SLC39A1: variants seen among roughly 807,000 people sequenced by gnomAD.
The protein encoded by SLC39A1 is solute carrier family 39 member 1.
In SLC39A1, 17 loss-of-function variants were observed where a neutral mutation model predicts 21.4. That is an observed-to-expected ratio of 0.79 (90% CI 0.54 to 1.19). The LOEUF (loss-of-function observed/expected upper bound fraction) is 1.19. Among genes scored for constraint, SLC39A1 ranks in the 50% most tolerant of loss-of-function variants. SLC39A1 has a pLI of 0.00. For missense variants in SLC39A1, 343 were observed against 399.8 expected (o/e 0.86, Z 1.21); for synonymous variants, 183 against 185.9 (o/e 0.98, Z 0.13).
chr1:153,965,357 G>C (rs1647723995), upstream of SLC39A1, among the ~76,000 whole-genome samples: 1 of 151,862 alleles, frequency 6.6e-6, no homozygotes, highest in South Asian at 2.1e-4. Context: ...AACCGGGGAG[G>C]CGGAGGTTGC....
chr1:153,960,149 CAGA>C lies in SLC39A1; in HGVS notation c.921_923del (p.Ile307_Leu308delinsMet). 2 of 1,614,166 alleles carry C rather than the reference CAGA, an allele frequency of 1.2e-6. No individual in the cohort carries two copies. The highest frequency in any genetic ancestry group is 1.7e-6 in the Non-Finnish European group (2 of 1,180,012). On this transcript the variant is annotated inframe_deletion, in exon 4 of 4. Coordinates refer to ENST00000356205, the MANE Select transcript of SLC39A1 (RefSeq NM_001271958.2). ...TGAGCAGGGCAAAGCCTGCTAGGAG[CAGA>C]ATGACCTTGAGGATCCTTTGCTCAG...
chr1:153,962,133 T>C, intron 3 of SLC39A1, 87 bp downstream of exon 3: 2 of 1,526,826 alleles, frequency 1.3e-6, no homozygotes, highest in Non-Finnish European at 1.8e-6. Context: ...AGTCATGGAG[T>C]GGCACATGAA....
chr1:153,967,203 G>A (rs538321758), upstream of SLC39A1, among the ~76,000 whole-genome samples: 2 of 152,368 alleles, frequency 1.3e-5, no homozygotes, highest in Admixed American at 6.5e-5. Context: ...TGCAGCGAGC[G>A]TGTGCGCACA....
chr1:153,968,101 T>C (rs1229077369), upstream of SLC39A1: 1 of 156,700 alleles, frequency 6.4e-6, no homozygotes, highest in African/African-American at 2.4e-5. Context: ...ATTCCGTTTG[T>C]GGACCCTCAG....
chr1:153,962,886 A>C (rs41302553), intron 1 of SLC39A1, 139 bp from the exon 2 acceptor site: 5 of 568,196 alleles, frequency 8.8e-6, no homozygotes, highest in Non-Finnish European at 1.5e-5. Flanking sequence ...TGACTCATCT[A>C]CTCCTGTACC....
rs1268989577 is a variant in SLC39A1 at position 153,962,213 on chromosome 1, T to C, written c.318+7A>G. The C allele has an allele frequency of 6.2e-6, 10 of 1,613,528 alleles. No homozygotes were observed. Among genetic ancestry groups the C allele is most frequent in the Non-Finnish European group, 8.5e-6 (10 of 1,179,648 alleles). ...CCCGCAAGTCACATGCCCAGGCCAG[T>C]GCTCACCGTCACGTGCAAGGCTGCC... On this transcript the variant is annotated splice_region_variant and intron_variant, in intron 3 of 3. Transcript: ENST00000356205.
chr1:153,964,653 T>C (rs1416091207), upstream of SLC39A1: 3 of 152,042 alleles, frequency 2.0e-5, no homozygotes, highest in African/African-American at 7.3e-5. Context: ...TGTGAAGACT[T>C]CTTAAGGGGC....
chr1:153,964,953 T>TA (rs1647697354), upstream of SLC39A1: 2 of 151,854 alleles, frequency 1.3e-5, no homozygotes, highest in Admixed American at 6.6e-5. Flanking sequence ...AAAAAAAAAT[T>TA]ATTCGTAATT....
upstream of SLC39A1, chr1:153,963,680 G>A (rs1647632153): frequency 1.3e-5 from 2 of 152,860 alleles, no homozygotes; most frequent in East Asian, 1.9e-4. Flanking sequence ...GAGATCGGGA[G>A]CGGGAGCGGG....
upstream of SLC39A1, among the ~76,000 whole-genome samples, chr1:153,966,034 A>C (rs192460191): frequency 5.8e-4 from 89 of 152,228 alleles, no homozygotes; most frequent in Non-Finnish European, 1.2e-3. Flanking sequence ...CATCAACGGA[A>C]GCTAACTACA....
Position 153,960,597 on chromosome 1 carries a change from CA to C in SLC39A1, c.475del (p.Trp159GlyfsTer40). ...LGTVNGGPQHWHDGPGVPQAS... is the reference protein window; with the variant it reads ...LGTVNGGPQHXHDGPGVPQAS... ...CTGTGGGACCCCTGGCCCATCATGC[CA>C]ATGCTGCGGCCCACCATTCACTGTT... On this transcript the variant is annotated frameshift_variant, in exon 4 of 4. Coordinates refer to ENST00000356205, the MANE Select transcript of SLC39A1 (RefSeq NM_001271958.2). LOFTEE classifies it high-confidence loss of function. 1 of 1,614,194 alleles carries C rather than the reference CA, an allele frequency of 6.2e-7. No individual in the cohort carries two copies. Among genetic ancestry groups the C allele is most frequent in the Non-Finnish European group, 8.5e-7 (1 of 1,180,034 alleles).
chr1:153,965,745 C>T (rs920158089), upstream of SLC39A1, among the ~76,000 whole-genome samples: 1 of 151,882 alleles, frequency 6.6e-6, no homozygotes, highest in Non-Finnish European at 1.5e-5. Flanking sequence ...CGCCACCACG[C>T]CCGGCTAATT....
rs148154137 is a variant in SLC39A1, at chr1:153,963,115, A to C, written c.-32-368T>G. 1.6e-4 allele frequency: 28 copies of C among 170,796 alleles called. No homozygotes were observed. The East Asian group carries it at 4.4e-3, about 27-fold the overall frequency. 10.6% of individuals were successfully genotyped at this position (170,796 alleles called of 1,614,324 possible). On this transcript the variant is annotated intron_variant, in intron 1 of 3. Transcript: ENST00000356205. The stretch of plus-strand genomic sequence containing the variant: ...GGCCGGGTCCCCAACTCCCGAACGG[A>C]GTGGGTGAAGCCAAAAAGGCTAGGG...
chr1:153,960,419 CT>C lies in SLC39A1; in HGVS notation c.653del (p.Lys218ArgfsTer32). On this transcript the variant is annotated frameshift_variant, in exon 4 of 4. Coordinates refer to ENST00000356205, the MANE Select transcript of SLC39A1 (RefSeq NM_001271958.2). LOFTEE classifies it high-confidence loss of function. ...GGGACAGGCTGACAGCCAGGATGCCCTTGTGGAGCAGCAAAGCCAGGCACAG... is the reference window on the plus strand; with the variant it reads ...GGGACAGGCTGACAGCCAGGATGCCCTGTGGAGCAGCAAAGCCAGGCACAG... Reference protein sequence around the residue: ...MELCLALLLHKGILAVSLSLR... With the variant: ...MELCLALLLHXGILAVSLSLR... The C allele has an allele frequency of 6.2e-7, 1 of 1,614,012 alleles. No individual in the cohort carries two copies. Among genetic ancestry groups the C allele is most frequent in the Non-Finnish European group, 8.5e-7 (1 of 1,180,048 alleles).
upstream of SLC39A1, chr1:153,963,764 C>G (rs1647638838): frequency 6.5e-6 from 1 of 152,758 alleles, no homozygotes; most frequent in Non-Finnish European, 1.5e-5. Context: ...GGCTGGGGCC[C>G]TGGGGCGCAT....
Position 153,962,313 on chromosome 1 carries a change from G to A in SLC39A1, c.225C>T (p.Phe75=), listed in dbSNP as rs570195454. The change falls in exon 3 of 4, where the codon TTC becomes TTT. Residue 75 remains phenylalanine (F), a synonymous_variant. Coordinates refer to ENST00000356205, the MANE Select transcript of SLC39A1 (RefSeq NM_001271958.2). ...AAGTGGCCAAAAAGACGCCCCCCGC[G>A]AAACAGCTTACTAGGCTCAGGGCTT... ...RQKALSLVSC[F]AGGVFLATCL... 104 of 1,614,132 alleles carry A rather than the reference G, an allele frequency of 6.4e-5. 2 individuals carry two copies. In the South Asian group the frequency reaches 9.6e-4, roughly 15 times the overall value.
Position 153,959,946 on chromosome 1 carries a change from T to C in SLC39A1, c.*152A>G. 1 of 835,992 alleles carries C rather than the reference T, an allele frequency of 1.2e-6. No homozygotes were observed. The highest frequency in any genetic ancestry group is 1.7e-5 in the African/African-American group (1 of 58,326). The allele number at this position is 835,992 out of a possible 1,614,324, so 51.8% of individuals were successfully genotyped here. ...GCCCACTTCCCTCTCATTAGTCAGATAGCCCCAAAGGCTCTATCTTTAGCT... is the reference window on the plus strand; with the variant it reads ...GCCCACTTCCCTCTCATTAGTCAGACAGCCCCAAAGGCTCTATCTTTAGCT... On this transcript the variant is annotated 3_prime_UTR_variant, in exon 4 of 4. Transcript: ENST00000356205.
chr1:153,960,735 T>C lies in SLC39A1; in HGVS notation c.338A>G (p.Glu113Gly). 1 of 1,609,944 alleles carries C rather than the reference T, an allele frequency of 6.2e-7. No homozygotes were observed. The change falls in exon 4 of 4, where the codon GAG (glutamate) becomes GGG (glycine). Residue 113 changes from glutamate (E) to glycine (G), a missense_variant. Glu to Gly is a moderately conservative substitution (Grantham distance 98). Transcript: ENST00000356205. ...GAAGAAGCCCATGGCCAGGATGAAC[T>C]CTTGCAGTGGGAACTGGAGCTGTGG... The part of the protein sequence containing the change: ...LHVTLQFPLQ[E>G]FILAMGFFLV...
chr1:153,961,227 G>C (rs1348818969), intron 3 of SLC39A1, among the ~76,000 whole-genome samples: 1 of 152,188 alleles, frequency 6.6e-6, no homozygotes, highest in Non-Finnish European at 1.5e-5. Flanking sequence ...AGTGAGTCGA[G>C]ATTGTGCCAC....
Sources: gnomAD v4.1 joint callset for allele counts (sites outside exome capture counted in the v4.1 genomes callset) on GRCh38, gnomAD v4.1.1 for gene constraint, MANE v1.5 for transcripts, NCBI Gene and HGNC (gene_info 2026-07-23, HGNC 2026-07-21) for gene names.